Variants in MAP6D1 observed in about 807,000 individuals in gnomAD.
MAP6D1 encodes MAP6 domain containing 1, also known as MAP6 domain-containing protein 1.
Under a neutral mutation model 17.4 loss-of-function variants are expected in MAP6D1, and 13 were observed. That is an observed-to-expected ratio of 0.75 (90% CI 0.49 to 1.19). MAP6D1 has a LOEUF of 1.19. Ranked by LOEUF, MAP6D1 falls within the 50% of genes most tolerant of loss-of-function variation. The pLI is 0.00. For synonymous variants in MAP6D1, 141 were observed against 145.7 expected, an observed-to-expected ratio of 0.97 and a Z score of 0.23; for missense variants, 313 against 312.6, an observed-to-expected ratio of 1.00 and a Z score of -0.01.
intron 1 of MAP6D1, among the ~76,000 whole-genome samples, chr3:183,820,870 G>A (rs1243911489): frequency 4.6e-5 from 7 of 151,816 alleles, no homozygotes; most frequent in Admixed American, 4.6e-4. Context: ...TTGCGCCACT[G>A]CACTCCAGCT....
chr3:183,822,363 C>T (rs1338194574), intron 1 of MAP6D1, among the ~76,000 whole-genome samples: 1 of 151,660 alleles, frequency 6.6e-6, no homozygotes, highest in African/African-American at 2.4e-5. Context: ...ATCACTTGAG[C>T]CTGGGAGGTT....
At chr3:183,820,869 T>C (rs1462878597) in intron 1 of MAP6D1, among the ~76,000 whole-genome samples, 1 of 151,500 alleles carries the variant, frequency 6.6e-6, no homozygotes, top group Non-Finnish European at 1.5e-5. Flanking sequence ...GTTGCGCCAC[T>C]GCACTCCAGC....
chr3:183,821,459 G>A (rs948889622), intron 1 of MAP6D1, among the ~76,000 whole-genome samples: 1 of 151,768 alleles, frequency 6.6e-6, no homozygotes, highest in Non-Finnish European at 1.5e-5. Context: ...GAAGGCGACA[G>A]CTAGTACCTT....
intron 1 of MAP6D1, 23 bp from the exon 2 acceptor site, chr3:183,818,134 A>C (rs1380273077): frequency 6.2e-7 from 1 of 1,601,070 alleles, no homozygotes; most frequent in Non-Finnish European, 8.6e-7. Context: ...ACACGGTCAC[A>C]AGCTTGCACA....
chr3:183,825,377 G>A lies in MAP6D1; in HGVS notation c.171C>T (p.Ala57=), dbSNP rs906555714. ...GCGGCACGTCCCGGCCGGAATCCCG[G>A]GCGCCCGCGGGAGGCTGGCCCCTGC... ...ASRRGQPPAG[A]RDSGRDVPLT... is the part of the protein sequence containing the mutation. The change falls in exon 1 of 3, where the codon GCC becomes GCT. Residue 57 remains alanine, a synonymous_variant. Transcript: ENST00000318631. 6.9e-6 allele frequency: 10 copies of A among 1,442,504 alleles called. No individual in the cohort carries two copies. Among genetic ancestry groups the A allele is most frequent in the Non-Finnish European group, 9.1e-6 (10 of 1,100,182 alleles). 89.4% of individuals were successfully genotyped at this position (1,442,504 alleles called of 1,614,324 possible). A position where few individuals can be genotyped will look rare whatever the true frequency, so the allele number is the denominator to read the frequency against.
chr3:183,821,692 C>T (rs1030173854), intron 1 of MAP6D1, among the ~76,000 whole-genome samples: 2 of 151,958 alleles, frequency 1.3e-5, no homozygotes, highest in African/African-American at 2.4e-5. Context: ...ATTACAGGTG[C>T]GTGCCATCAC....
rs574029251 is a variant in MAP6D1, at chr3:183,824,989, C to T, written c.401+158G>A. Among the ~76,000 whole-genome samples the T allele has an allele frequency of 2.6e-4, 40 of 152,322 alleles. 1 individual carries two copies. In the South Asian group the frequency reaches 8.1e-3, roughly 31 times the overall value. ...CCGCCTGCAGTGCCCACGGACCAAA[C>T]GGGGGTGACCTCTGAGGCCGCCGGC... On this transcript the variant is annotated intron_variant, in intron 1 of 2. Transcript: ENST00000318631.
rs763389826 is a variant in MAP6D1 at position 183,825,188 on chromosome 3, G to A, written c.360C>T (p.Ile120=). The A allele has an allele frequency of 1.2e-5, 18 of 1,461,978 alleles. No homozygotes were observed. The highest frequency in any genetic ancestry group is 1.5e-5 in the Non-Finnish European group (17 of 1,104,290). 90.6% of individuals were successfully genotyped at this position (1,461,978 alleles called of 1,614,324 possible). Residue 120 remains isoleucine, a synonymous_variant, in exon 1 of 3, where the codon ATC becomes ATT. Coordinates refer to ENST00000318631, the MANE Select transcript of MAP6D1 (RefSeq NM_024871.4). ...CTGCTGCAGCCGCGTCCGCGTCGCC[G>A]ATGGGCAGCACGTAGACCCCGCGGG... The part of the protein sequence containing the change: ...PGARGVYVLP[I]GDADAAAAVT...
rs778979223 is a variant in MAP6D1, at chr3:183,818,130, T to A, written c.402-19A>T. 2 of 1,606,920 alleles carry A rather than the reference T, an allele frequency of 1.2e-6. No individual in the cohort carries two copies. Among genetic ancestry groups the A allele is most frequent in the South Asian group, 2.2e-5 (2 of 90,950 alleles). ...TTCCTGTCTGGAACAGAGAACACGG[T>A]CACAAGCTTGCACAGGGTCAGCCAC... On this transcript the variant is annotated intron_variant, in intron 1 of 2. Transcript: ENST00000318631.
intron 1 of MAP6D1, 46 bp from the exon 2 acceptor site, chr3:183,818,157 C>T (rs1560354610): frequency 4.6e-6 from 7 of 1,506,152 alleles, no homozygotes; most frequent in Admixed American, 1.7e-5. Flanking sequence ...GTCAGCCACC[C>T]CTTTACCGAC....
chr3:183,818,872 G>A (rs1386823295), intron 1 of MAP6D1, among the ~76,000 whole-genome samples: 1 of 152,096 alleles, frequency 6.6e-6, no homozygotes, highest in Admixed American at 6.5e-5. Context: ...GGCCCTGGAG[G>A]GAGAGGATGA....
chr3:183,820,227 T>C (rs1404409537), intron 1 of MAP6D1: 2 of 152,290 alleles, frequency 1.3e-5, no homozygotes, highest in African/African-American at 4.8e-5. Context: ...CTGGCTCTGT[T>C]CGTTTCCTTG....
At chr3:183,821,693 G>A (rs1455533022) in intron 1 of MAP6D1, among the ~76,000 whole-genome samples, 1 of 151,946 alleles carries the variant, frequency 6.6e-6, no homozygotes, top group Non-Finnish European at 1.5e-5. Flanking sequence ...TTACAGGTGC[G>A]TGCCATCACG....
intron 1 of MAP6D1, among the ~76,000 whole-genome samples, chr3:183,821,703 G>A (rs769758377): frequency 3.9e-5 from 6 of 151,962 alleles, no homozygotes; most frequent in Non-Finnish European, 5.9e-5. Context: ...GTGCCATCAC[G>A]CCCAGCTAAT....
chr3:183,825,180 G>A lies in MAP6D1; in HGVS notation c.368C>T (p.Ala123Val), dbSNP rs1727355295. The change falls in exon 1 of 3, where the codon GCG becomes GTG. Residue 123 changes from alanine (A) to valine (V), a missense_variant. Physicochemically the swap from Ala to Val is moderately conservative, Grantham distance 64. Coordinates refer to ENST00000318631, the MANE Select transcript of MAP6D1 (RefSeq NM_024871.4). ...RGVYVLPIGD[A>V]DAAAAVTTSY... Reference sequence around the variant, plus strand: ...CGTGGTCACTGCTGCAGCCGCGTCCGCGTCGCCGATGGGCAGCACGTAGAC... The same window carrying A: ...CGTGGTCACTGCTGCAGCCGCGTCCACGTCGCCGATGGGCAGCACGTAGAC... 2.1e-6 allele frequency: 3 copies of A among 1,461,420 alleles called. No individual in the cohort carries two copies. Among genetic ancestry groups the A allele is most frequent in the Non-Finnish European group, 2.7e-6 (3 of 1,104,110 alleles). The allele number at this position is 1,461,420 out of a possible 1,614,324, so 90.5% of individuals were successfully genotyped here.
chr3:183,819,900 C>T (rs370895226), intron 1 of MAP6D1, among the ~76,000 whole-genome samples: 36 of 152,322 alleles, frequency 2.4e-4, no homozygotes, highest in East Asian at 2.3e-3. Flanking sequence ...CTTTAACTGC[C>T]CCACCTAGGC....
intron 1 of MAP6D1, among the ~76,000 whole-genome samples, chr3:183,820,839 G>A (rs190129405): frequency 7.2e-5 from 11 of 152,170 alleles, no homozygotes; most frequent in South Asian, 4.2e-4. Flanking sequence ...CCCGGGAGGC[G>A]GAGGTTGCAG....
Position 183,816,437 on chromosome 3 carries a change from G to C in MAP6D1, c.*919C>G, listed in dbSNP as rs1560353725. ...GCCATGCTGGCTGGAATTTACGGAG[G>C]AAGTTAGGAGAGAGCTTTGCAAAGA... is the stretch of plus-strand genomic sequence containing the variant. On this transcript the variant is annotated 3_prime_UTR_variant, in exon 3 of 3. Coordinates refer to ENST00000318631, the MANE Select transcript of MAP6D1 (RefSeq NM_024871.4). 1 of 152,014 alleles carries C rather than the reference G, an allele frequency of 6.6e-6. No individual in the cohort carries two copies. Among genetic ancestry groups the C allele is most frequent in the Non-Finnish European group, 1.5e-5 (1 of 68,098 alleles). 9.4% of individuals were successfully genotyped at this position (152,014 alleles called of 1,614,324 possible). A position where few individuals can be genotyped will look rare whatever the true frequency, so the allele number is the denominator to read the frequency against.
intron 1 of MAP6D1, 96 bp downstream of exon 1, chr3:183,825,051 C>A (rs1727349943): frequency 1.6e-6 from 2 of 1,224,548 alleles, no homozygotes; most frequent in Non-Finnish European, 2.1e-6. Flanking sequence ...CTCCAGGCGC[C>A]TCCGCTCTGC....
Sources: gnomAD v4.1 joint callset for allele counts (sites outside exome capture counted in the v4.1 genomes callset) on GRCh38, gnomAD v4.1.1 for gene constraint, MANE v1.5 for transcripts, NCBI Gene and HGNC (gene_info 2026-07-23, HGNC 2026-07-21) for gene names.